Variants in CHRDL1 observed in about 807,000 individuals in gnomAD.
CHRDL1 encodes the protein chordin like 1.
In CHRDL1, 19 loss-of-function variants were observed where a neutral mutation model predicts 40.9. The ratio of observed to expected loss-of-function variants is 0.46; its 90% confidence interval spans 0.32 to 0.68. The LOEUF is 0.68. Ranked by LOEUF, CHRDL1 falls within the 30% of genes least tolerant of loss-of-function variation. The pLI is 0.03. For missense variants in CHRDL1, 329 were observed against 352.1 expected, an observed-to-expected ratio of 0.93 and a Z score of 0.53; for synonymous variants, 136 against 123.4, an observed-to-expected ratio of 1.10 and a Z score of -0.68.
intron 10 of CHRDL1, 60 bp from the exon 11 acceptor site, chrX:110,679,485 C>CT: frequency 1.3e-6 from 1 of 767,261 alleles, no homozygotes; most frequent in Non-Finnish European, 2.0e-6. Context: ...CCATCAACTC[C>CT]TTTTTTTCTG....
chrX:110,704,687 A>T (rs2070586964), intron 6 of CHRDL1, among the ~76,000 whole-genome samples: 3 of 111,647 alleles, frequency 2.7e-5, no homozygotes, highest in Non-Finnish European at 5.6e-5. Flanking sequence ...TTGAGCAGGG[A>T]TGAGCTTAGA....
chrX:110,724,233 A>G, intron 4 of CHRDL1, among the ~76,000 whole-genome samples: 1 of 112,564 alleles, frequency 8.9e-6, no homozygotes, highest in Non-Finnish European at 1.9e-5. Context: ...TTTTGCCTCA[A>G]AAGAATGTGG....
chrX:110,676,009 C>T lies in CHRDL1; in HGVS notation c.*222G>A, dbSNP rs1410511955. 3 of 291,952 alleles carry T rather than the reference C, an allele frequency of 1.0e-5. No homozygotes were observed. Among genetic ancestry groups the T allele is most frequent in the Non-Finnish European group, 1.8e-5 (3 of 168,076 alleles). 24.1% of individuals were successfully genotyped at this position (291,952 alleles called of 1,213,427 possible). On this transcript the variant is annotated 3_prime_UTR_variant, in exon 12 of 12. Transcript: ENST00000372042. The stretch of plus-strand genomic sequence containing the variant: ...GTTGTGATGTTCTATCCCTCCTCCT[C>T]CCACATATAATTTAAGACTCTTCTA...
intron 11 of CHRDL1, among the ~76,000 whole-genome samples, chrX:110,677,275 G>A (rs904364197): frequency 2.7e-5 from 3 of 111,249 alleles, no homozygotes; most frequent in African/African-American, 9.8e-5. Flanking sequence ...GACTCAATGG[G>A]AAGATAGAAG....
intron 7 of CHRDL1, among the ~76,000 whole-genome samples, chrX:110,695,743 A>T (rs1011474351): frequency 1.8e-5 from 2 of 112,000 alleles, no homozygotes; most frequent in Admixed American, 1.9e-4. Context: ...GGCCACAGAC[A>T]GGCATGTTGC....
chrX:110,694,108 A>G lies in CHRDL1; in HGVS notation c.778+55T>C. The stretch of plus-strand genomic sequence containing the variant: ...CTTTCCCAGCTCCAGCCCTGCAAAG[A>G]CCAGGGCTGCTGAAGCCTTGTTGTG... On this transcript the variant is annotated intron_variant, in intron 8 of 11. Coordinates refer to ENST00000372042, the MANE Select transcript of CHRDL1 (RefSeq NM_001143981.2). 4 of 998,275 alleles carry G rather than the reference A, an allele frequency of 4.0e-6. No individual in the cohort carries two copies. In the African/African-American group the frequency reaches 5.6e-5, roughly 14 times the overall value. The allele number at this position is 998,275 out of a possible 1,213,427, so 82.3% of individuals were successfully genotyped here.
chrX:110,704,835 T>C (rs987431674), intron 6 of CHRDL1, among the ~76,000 whole-genome samples: 6 of 111,295 alleles, frequency 5.4e-5, no homozygotes, highest in African/African-American at 2.0e-4. Context: ...TAATGTGGTT[T>C]CAAGCCTAAT....
intron 4 of CHRDL1, among the ~76,000 whole-genome samples, chrX:110,742,854 A>G (rs1020647039): frequency 9.8e-5 from 11 of 111,723 alleles, no homozygotes; most frequent in African/African-American, 3.6e-4. Context: ...TTTTCAAGGT[A>G]TAACTTTCTG....
At chrX:110,698,554 T>G (rs1158349752) in intron 7 of CHRDL1, among the ~76,000 whole-genome samples, 6 of 112,143 alleles carry the variant, frequency 5.4e-5, no homozygotes, top group Non-Finnish European at 1.1e-4. Context: ...CAGGCACAAA[T>G]GTTTGTTTCT....
chrX:110,679,633 C>T (rs1013157221), intron 10 of CHRDL1, among the ~76,000 whole-genome samples: 1 of 112,029 alleles, frequency 8.9e-6, no homozygotes, highest in Admixed American at 9.5e-5. Flanking sequence ...GGCTTCCCCT[C>T]GGCTTCTCCA....
intron 2 of CHRDL1, among the ~76,000 whole-genome samples, chrX:110,766,061 A>G (rs2089654655): frequency 8.9e-6 from 1 of 111,845 alleles, no homozygotes; most frequent in Non-Finnish European, 1.9e-5. Flanking sequence ...AAACCACACA[A>G]ATAAATGGAA....
chrX:110,757,480 C>T (rs1317880293), intron 4 of CHRDL1, among the ~76,000 whole-genome samples: 3 of 111,616 alleles, frequency 2.7e-5, no homozygotes, highest in Admixed American at 9.5e-5. Flanking sequence ...TTAGTAATAT[C>T]TTCAAAGTGC....
In CHRDL1 at chrX:110,794,235, G is replaced by A. The variant is rs73528302; in HGVS notation, c.-35+1509C>T. ...CAAGCATTGCTCAGCGAACTTAGCCGACTCTTATTCTTGCAAAGAGCCAAA... is the reference window on the plus strand; with the variant it reads ...CAAGCATTGCTCAGCGAACTTAGCCAACTCTTATTCTTGCAAAGAGCCAAA... On this transcript the variant is annotated intron_variant, in intron 1 of 11. Coordinates refer to ENST00000372042, the MANE Select transcript of CHRDL1 (RefSeq NM_001143981.2). Among the ~76,000 whole-genome samples, 402 of 111,963 alleles carry A rather than the reference G, an allele frequency of 3.6e-3. 2 individuals carry two copies. The highest frequency in any genetic ancestry group is 0.012 in the African/African-American group (378 of 30,782).
intron 6 of CHRDL1, among the ~76,000 whole-genome samples, chrX:110,713,633 TTAAA>T (rs2070784047): frequency 8.9e-6 from 1 of 112,182 alleles, no homozygotes; most frequent in African/African-American, 3.2e-5. Flanking sequence ...ACTGACCAGG[TTAAA>T]ATTCTAGCTC....
intron 4 of CHRDL1, among the ~76,000 whole-genome samples, chrX:110,737,645 T>C (rs766175477): frequency 5.0e-4 from 56 of 111,904 alleles, no homozygotes; most frequent in Non-Finnish European, 9.4e-4. Context: ...AGAAGCCTTT[T>C]TACTGCCCGT....
intron 2 of CHRDL1, 101 bp downstream of exon 2, chrX:110,791,987 G>T: frequency 2.1e-6 from 1 of 485,756 alleles, no homozygotes; most frequent in Admixed American, 4.0e-5. Context: ...TAGAATAATG[G>T]CACGGCCACA....
In CHRDL1 at chrX:110,685,886, A is replaced by ATTTTTT. The variant is rs72389100; in HGVS notation, c.988+2702_988+2707dup. 1.3e-3 allele frequency among the ~76,000 whole-genome samples: 107 copies of ATTTTTT among 82,764 alleles called. 1 individual carries two copies. Among genetic ancestry groups the ATTTTTT allele is most frequent in the African/African-American group, 5.2e-3 (106 of 20,530 alleles). 71.9% of individuals were successfully genotyped at this position (82,764 alleles called of 115,157 possible). ...TCCTAGAAGTGGAATTTTTTAGCCA[A>ATTTTTT]TTTTTTTTTTTTTTTTTTTTTTGAG... On this transcript the variant is annotated intron_variant, in intron 9 of 11. Coordinates refer to ENST00000372042, the MANE Select transcript of CHRDL1 (RefSeq NM_001143981.2).
rs958393351 is a variant in CHRDL1 at position 110,676,104 on chromosome X, G to A, written c.*127C>T. ...CAAAGGAGCAAATTATGCTGTGCATGGCGTGAATAATTGACTGCATTTGAG... is the reference window on the plus strand; with the variant it reads ...CAAAGGAGCAAATTATGCTGTGCATAGCGTGAATAATTGACTGCATTTGAG... On this transcript the variant is annotated 3_prime_UTR_variant, in exon 12 of 12. Coordinates refer to ENST00000372042, the MANE Select transcript of CHRDL1 (RefSeq NM_001143981.2). The A allele has an allele frequency of 3.0e-6, 2 of 660,726 alleles. No homozygotes were observed. Among genetic ancestry groups the A allele is most frequent in the African/African-American group, 4.4e-5 (2 of 45,292 alleles). The allele number at this position is 660,726 out of a possible 1,213,427, so 54.5% of individuals were successfully genotyped here.
intron 6 of CHRDL1, 134 bp from the exon 7 acceptor site, chrX:110,700,855 T>A: frequency 5.3e-5 from 22 of 416,576 alleles, no homozygotes; most frequent in South Asian, 5.2e-5. Context: ...TGGCTGTCCT[T>A]CAAAAAGCGG....
Sources: allele counts gnomAD v4.1 joint callset (sites outside exome capture counted in the v4.1 genomes callset), GRCh38; gene constraint gnomAD v4.1.1; transcripts MANE v1.5; gene names NCBI Gene and HGNC (gene_info 2026-07-23, HGNC 2026-07-21).